Variants in AGMO observed in about 807,000 individuals in gnomAD.
AGMO encodes glyceryl-ether monooxygenase.
In AGMO, 75 loss-of-function variants were observed where a neutral mutation model predicts 60.2. The observed-to-expected ratio is 1.25, with a 90% confidence interval of 1.03 to 1.51. The LOEUF (loss-of-function observed/expected upper bound fraction) is 1.51. Ranked by LOEUF, AGMO falls within the 40% of genes most tolerant of loss-of-function variation. The probability of loss-of-function intolerance (pLI) is 0.00; values close to 1 mark genes in which losing one functional copy is unlikely to be tolerated. For synonymous variants in AGMO, 261 were observed against 177.1 expected (o/e 1.47, Z -3.76); for missense variants, 763 against 525.5 (o/e 1.45, Z -4.42).
chr7:15,428,799 C>T lies in AGMO; in HGVS notation c.513+2206G>A, dbSNP rs188122604. ...CCCAGAGCAACTTCAAATGCAGCTA[C>T]TTCCTTTCTTGGAGGCTTTCTCTCT... On this transcript the variant is annotated intron_variant, in intron 4 of 12. Transcript: ENST00000342526. Among the ~76,000 whole-genome samples, 750 of 152,190 alleles carry T rather than the reference C, an allele frequency of 4.9e-3. 1 individual carries two copies. The highest frequency in any genetic ancestry group is 0.014 in the Middle Eastern group (4 of 294).
At chr7:15,489,368 C>A (rs556019611) in intron 3 of AGMO, among the ~76,000 whole-genome samples, 2 of 152,190 alleles carry the variant, frequency 1.3e-5, no homozygotes, top group South Asian at 4.2e-4. Flanking sequence ...TTATTAGAAG[C>A]AGGAAAGCAG....
At chr7:15,262,739 T>C (rs1441193494) in intron 12 of AGMO, among the ~76,000 whole-genome samples, 2 of 151,412 alleles carry the variant, frequency 1.3e-5, no homozygotes, top group Non-Finnish European at 3.0e-5. Context: ...TGGGCACATA[T>C]ATCAATGGAA....
chr7:15,380,738 A>T (rs1010407143), intron 10 of AGMO, among the ~76,000 whole-genome samples: 1 of 152,210 alleles, frequency 6.6e-6, no homozygotes, highest in African/African-American at 2.4e-5. Context: ...ATCCTAAGTA[A>T]AAAGAACAAA....
intron 12 of AGMO, among the ~76,000 whole-genome samples, chr7:15,229,296 T>C (rs1177544373): frequency 6.6e-6 from 1 of 152,078 alleles, no homozygotes; most frequent in Non-Finnish European, 1.5e-5. Flanking sequence ...TGGCACATGT[T>C]CAATTTATGA....
intron 12 of AGMO, among the ~76,000 whole-genome samples, chr7:15,337,202 C>A (rs916838217): frequency 6.6e-6 from 1 of 152,124 alleles, no homozygotes; most frequent in African/African-American, 2.4e-5. Context: ...CAAGCATGAC[C>A]ACTCTTTCTA....
At chr7:15,397,192 C>T (rs1182216376) in intron 5 of AGMO, among the ~76,000 whole-genome samples, 5 of 152,138 alleles carry the variant, frequency 3.3e-5, no homozygotes, top group Non-Finnish European at 7.4e-5. Context: ...GAGAAAGAGA[C>T]GGAGACCCGC....
intron 3 of AGMO, among the ~76,000 whole-genome samples, chr7:15,527,423 C>T (rs151229127): frequency 2.2e-4 from 34 of 152,286 alleles, no homozygotes; most frequent in African/African-American, 7.9e-4. Context: ...GACCCTAAGT[C>T]TCTTCAATTT....
Position 15,354,412 on chromosome 7 carries a change from G to A in AGMO, c.1263+11102C>T, listed in dbSNP as rs1342174288. On this transcript the variant is annotated intron_variant, in intron 12 of 12. Transcript: ENST00000342526. Reference sequence around the variant, plus strand: ...TGTGTATACACGTGTGTGTACACACGTGTGTGTATACACACACGTGTGTGT... The same window carrying A: ...TGTGTATACACGTGTGTGTACACACATGTGTGTATACACACACGTGTGTGT... Among the ~76,000 whole-genome samples, 11 of 19,818 alleles carry A rather than the reference G, an allele frequency of 5.6e-4. No individual in the cohort carries two copies. The East Asian group carries it at 7.0e-3, about 13-fold the overall frequency. 13.0% of individuals were successfully genotyped at this position (19,818 alleles called of 152,430 possible).
chr7:15,497,200 C>G (rs1783255794), intron 3 of AGMO, among the ~76,000 whole-genome samples: 1 of 152,014 alleles, frequency 6.6e-6, no homozygotes, highest in African/African-American at 2.4e-5. Context: ...CACAACAACC[C>G]TATCATTCCT....
At chr7:15,236,434 A>C (rs1003625734) in intron 12 of AGMO, among the ~76,000 whole-genome samples, 1 of 152,102 alleles carries the variant, frequency 6.6e-6, no homozygotes, top group Non-Finnish European at 1.5e-5. Flanking sequence ...AACAAAAGGG[A>C]AGTAGTTTTG....
At chr7:15,222,899 G>A (rs1272314883) in intron 12 of AGMO, among the ~76,000 whole-genome samples, 3 of 151,560 alleles carry the variant, frequency 2.0e-5, no homozygotes, top group Non-Finnish European at 2.9e-5. Context: ...TCAATGAAAC[G>A]TAGTTAACAT....
At chr7:15,286,301 A>T (rs1784096106) in intron 12 of AGMO, among the ~76,000 whole-genome samples, 1 of 152,168 alleles carries the variant, frequency 6.6e-6, no homozygotes, top group Non-Finnish European at 1.5e-5. Context: ...AGAATGGCAG[A>T]AAGTATTTGC....
the AGMO span, among the ~76,000 whole-genome samples, chr7:15,184,584 GGTAGTAAGGAAGGGAA>G: frequency 7.7e-6 from 1 of 129,858 alleles, no homozygotes. Context: ...AAGGAAGGAA[GGTAGTAAGGAAGGGAA>G]GGAAAGAAGG....
At chr7:15,351,335 G>T (rs1236904618) in intron 12 of AGMO, among the ~76,000 whole-genome samples, 1 of 152,012 alleles carries the variant, frequency 6.6e-6, no homozygotes, top group African/African-American at 2.4e-5. Flanking sequence ...TGCAAGACTT[G>T]AAAGAGATAT....
intron 12 of AGMO, among the ~76,000 whole-genome samples, chr7:15,263,010 T>C (rs945357101): frequency 4.6e-5 from 7 of 152,154 alleles, no homozygotes; most frequent in East Asian, 1.9e-4. Flanking sequence ...CTTCTAGACA[T>C]TGGCTTAGGC....
rs568638974 is a variant in AGMO at position 15,319,430 on chromosome 7, G to T, written c.1263+46084C>A. 9.9e-5 allele frequency among the ~76,000 whole-genome samples: 15 copies of T among 152,208 alleles called. No individual in the cohort carries two copies. In the East Asian group the frequency reaches 2.9e-3, roughly 29 times the overall value. Reference sequence around the variant, plus strand: ...AAAACAACCCTGAATTTGGACTGGGGATCCAAAGAGATGTACCCTAGGATA... The same window carrying T: ...AAAACAACCCTGAATTTGGACTGGGTATCCAAAGAGATGTACCCTAGGATA... On this transcript the variant is annotated intron_variant, in intron 12 of 12. Transcript: ENST00000342526.
At chr7:15,282,848 C>T (rs1018264785) in intron 12 of AGMO, among the ~76,000 whole-genome samples, 1 of 152,146 alleles carries the variant, frequency 6.6e-6, no homozygotes. Context: ...ACAAAAGCAT[C>T]AGGTAACCTC....
chr7:15,501,785 T>C lies in AGMO; in HGVS notation c.409+42987A>G, dbSNP rs192733683. On this transcript the variant is annotated intron_variant, in intron 3 of 12. Coordinates refer to ENST00000342526, the MANE Select transcript of AGMO (RefSeq NM_001004320.2). ...GCAGGAGAAAAACAGAAAATCTCTA[T>C]GAAAAGTTGAGTCTGTCAAGATGTA... Among the ~76,000 whole-genome samples, 24 of 152,022 alleles carry C rather than the reference T, an allele frequency of 1.6e-4. No homozygotes were observed. The East Asian group carries it at 2.7e-3, about 17-fold the overall frequency.
intron 10 of AGMO, among the ~76,000 whole-genome samples, chr7:15,375,516 C>T (rs1448543351): frequency 6.6e-6 from 1 of 151,136 alleles, no homozygotes; most frequent in East Asian, 1.9e-4. Flanking sequence ...CTTGCCTCAG[C>T]CTCCAGAGTA....
Sources: allele counts gnomAD v4.1 joint callset (sites outside exome capture counted in the v4.1 genomes callset), GRCh38; gene constraint gnomAD v4.1.1; transcripts MANE v1.5; gene names NCBI Gene and HGNC (gene_info 2026-07-23, HGNC 2026-07-21).